KIAA1328: variants seen among roughly 807,000 people sequenced by gnomAD.
KIAA1328 encodes protein hinderin.
Under a neutral mutation model 68.1 loss-of-function variants are expected in KIAA1328, and 52 were observed. The ratio of observed to expected loss-of-function variants is 0.76; its 90% confidence interval spans 0.61 to 0.96. KIAA1328 has a LOEUF of 0.96. KIAA1328 is among the 40% of genes least tolerant of loss of function. The pLI is 0.00. For missense variants in KIAA1328, 641 were observed against 677.6 expected, an observed-to-expected ratio of 0.95 and a Z score of 0.60; for synonymous variants, 232 against 239.4, an observed-to-expected ratio of 0.97 and a Z score of 0.28.
chr18:37,214,892 T>A (rs1237870679), intron 9 of KIAA1328, among the ~76,000 whole-genome samples: 2 of 152,198 alleles, frequency 1.3e-5, no homozygotes, highest in East Asian at 3.8e-4. Context: ...TATTCTTAGG[T>A]ATTTTATTCT....
At position 37,003,581 on chromosome 18, in the gene KIAA1328, C is replaced by T. The variant is rs1272676989; in HGVS notation, c.576+44146C>T. Reference sequence around the variant, plus strand: ...TGGTTCCTTTTGCTGTGCAGAAGCTCTTTAGTTTAATTAAGTCCCATGTAT... The same window carrying T: ...TGGTTCCTTTTGCTGTGCAGAAGCTTTTTAGTTTAATTAAGTCCCATGTAT... On this transcript the variant is annotated intron_variant, in intron 6 of 9. Coordinates refer to ENST00000280020, the MANE Select transcript of KIAA1328 (RefSeq NM_020776.3). Among the ~76,000 whole-genome samples the T allele has an allele frequency of 2.6e-5, 4 of 152,176 alleles. No individual in the cohort carries two copies. The East Asian group carries it at 7.7e-4, about 29-fold the overall frequency.
chr18:37,225,218 G>T lies in KIAA1328; in HGVS notation c.*2991G>T, dbSNP rs781514481. ...TGCTAAGAGAGATGGAGGCTGTGGCGGACTCCTTCCAACTCACGATTTATC... is the reference window on the plus strand; with the variant it reads ...TGCTAAGAGAGATGGAGGCTGTGGCTGACTCCTTCCAACTCACGATTTATC... On this transcript the variant is annotated 3_prime_UTR_variant, in exon 10 of 10. Coordinates refer to ENST00000280020, the MANE Select transcript of KIAA1328 (RefSeq NM_020776.3). 4.1e-6 allele frequency: 4 copies of T among 985,254 alleles called. No individual in the cohort carries two copies. Among genetic ancestry groups the T allele is most frequent in the Middle Eastern group, 5.2e-4 (1 of 1,938 alleles). 61.0% of individuals were successfully genotyped at this position (985,254 alleles called of 1,614,324 possible).
intron 4 of KIAA1328, among the ~76,000 whole-genome samples, chr18:36,875,042 G>A (rs922217838): frequency 6.6e-6 from 1 of 152,104 alleles, no homozygotes; most frequent in Non-Finnish European, 1.5e-5. Context: ...ATCTGTTTTG[G>A]TAGCAGTACC....
intron 7 of KIAA1328, among the ~76,000 whole-genome samples, chr18:37,078,943 C>CT (rs2056850262): frequency 6.6e-6 from 1 of 151,844 alleles, no homozygotes; most frequent in African/African-American, 2.4e-5. Flanking sequence ...AGATCTAGAA[C>CT]TAGAAATACC....
intron 5 of KIAA1328, among the ~76,000 whole-genome samples, chr18:36,895,079 T>G (rs2048824658): frequency 6.6e-6 from 1 of 152,180 alleles, no homozygotes; most frequent in Admixed American, 6.6e-5. Flanking sequence ...CTTCAAAAAT[T>G]TTTAAAGTCA....
intron 6 of KIAA1328, among the ~76,000 whole-genome samples, chr18:37,005,187 C>T (rs1304720827): frequency 6.6e-6 from 1 of 151,904 alleles, no homozygotes; most frequent in East Asian, 1.9e-4. Flanking sequence ...ACCACTAAAG[C>T]ACTTACTCAT....
chr18:37,187,820 T>C (rs1685690942), intron 9 of KIAA1328, among the ~76,000 whole-genome samples: 1 of 152,174 alleles, frequency 6.6e-6, no homozygotes, highest in South Asian at 2.1e-4. Context: ...TACCGAGGGC[T>C]GTCTCTTTCC....
intron 6 of KIAA1328, among the ~76,000 whole-genome samples, chr18:37,012,728 G>A (rs929585219): frequency 1.3e-5 from 2 of 152,152 alleles, no homozygotes; most frequent in Non-Finnish European, 2.9e-5. Context: ...ACTCTGGAGT[G>A]TAGTTTAATA....
chr18:36,899,390 A>T (rs2048962168), intron 5 of KIAA1328, among the ~76,000 whole-genome samples: 2 of 151,936 alleles, frequency 1.3e-5, no homozygotes, highest in South Asian at 4.1e-4. Context: ...TGAATGAATT[A>T]TTAAATCAGA....
intron 5 of KIAA1328, among the ~76,000 whole-genome samples, chr18:36,908,895 T>C (rs1483178913): frequency 1.3e-5 from 2 of 152,182 alleles, no homozygotes; most frequent in African/African-American, 4.8e-5. Context: ...ATAATTTAAG[T>C]TCACAGAAGA....
intron 9 of KIAA1328, among the ~76,000 whole-genome samples, chr18:37,208,288 C>T (rs1014868521): frequency 2.6e-5 from 4 of 152,038 alleles, no homozygotes; most frequent in African/African-American, 9.7e-5. Context: ...TCAGAAAGTA[C>T]TTGGGATATT....
At chr18:36,859,906 C>T (rs1043085580) in intron 4 of KIAA1328, among the ~76,000 whole-genome samples, 7 of 146,778 alleles carry the variant, frequency 4.8e-5, no homozygotes, top group African/African-American at 1.8e-4. Context: ...AGATATGTAA[C>T]TCATTGATTT....
intron 7 of KIAA1328, chr18:37,084,220 A>C (rs2057031923): frequency 6.6e-7 from 1 of 1,511,090 alleles, no homozygotes; most frequent in Non-Finnish European, 8.8e-7. Context: ...AATGGCAGTG[A>C]CTCTGGACCA....
chr18:36,941,488 G>A (rs1195203010), intron 5 of KIAA1328, among the ~76,000 whole-genome samples: 4 of 152,124 alleles, frequency 2.6e-5, no homozygotes, highest in South Asian at 2.1e-4. Flanking sequence ...CCAGCTACTC[G>A]GGAGGCTGAG....
chr18:36,968,375 T>A (rs2052030748), intron 6 of KIAA1328, among the ~76,000 whole-genome samples: 1 of 152,118 alleles, frequency 6.6e-6, no homozygotes, highest in South Asian at 2.1e-4. Context: ...AAGAGACCCA[T>A]GTCATGTGCA....
intron 5 of KIAA1328, among the ~76,000 whole-genome samples, chr18:36,886,696 G>A (rs770551652): frequency 6.6e-6 from 1 of 152,178 alleles, no homozygotes; most frequent in Non-Finnish European, 1.5e-5. Context: ...TAGAGTGATG[G>A]ATCTGCCAGC....
chr18:37,072,885 CTG>C (rs1568368015), intron 7 of KIAA1328, among the ~76,000 whole-genome samples: 1 of 152,088 alleles, frequency 6.6e-6, no homozygotes, highest in Non-Finnish European at 1.5e-5. Flanking sequence ...TTTTCTGTTC[CTG>C]TGTTAGTTTG....
chr18:37,045,150 C>A (rs1360624031), intron 6 of KIAA1328, among the ~76,000 whole-genome samples: 1 of 152,106 alleles, frequency 6.6e-6, no homozygotes, highest in African/African-American at 2.4e-5. Flanking sequence ...AAATAGAGGT[C>A]TTTTGAGGTA....
At chr18:37,138,080 G>A (rs866338672) in intron 7 of KIAA1328, among the ~76,000 whole-genome samples, 1 of 151,904 alleles carries the variant, frequency 6.6e-6, no homozygotes, top group East Asian at 1.9e-4. Flanking sequence ...TTGCTCTTAA[G>A]CCTTTTAAAT....
Sources: gnomAD v4.1 joint callset for allele counts (sites outside exome capture counted in the v4.1 genomes callset) on GRCh38, gnomAD v4.1.1 for gene constraint, MANE v1.5 for transcripts, NCBI Gene and HGNC (gene_info 2026-07-23, HGNC 2026-07-21) for gene names.